MMP26: variants seen among roughly 807,000 people sequenced by gnomAD.
The protein encoded by MMP26 is matrix metallopeptidase 26, also known as matrix metalloproteinase-26.
MMP26 carries 33 observed loss-of-function variants against 31.0 expected under a neutral mutation model. The observed-to-expected ratio is 1.06, with a 90% CI of 0.81 to 1.42. The LOEUF is 1.42. MMP26 is among the 40% of genes most tolerant of loss of function. MMP26 has a pLI of 0.00. For missense variants in MMP26, 347 were observed against 316.1 expected (o/e 1.10, Z -0.74); for synonymous variants, 122 against 114.9 (o/e 1.06, Z -0.40).
chr11:4,821,862 G>A (rs1346397830), intron 2 of MMP26: 2 of 1,613,764 alleles, frequency 1.2e-6, no homozygotes, highest in African/African-American at 2.7e-5. Flanking sequence ...CCAAGATTGG[G>A]ATGAGCATGT....
intron 2 of MMP26, among the ~76,000 whole-genome samples, chr11:4,960,036 G>GC (rs550190124): frequency 1.6e-3 from 97 of 59,458 alleles, no homozygotes; most frequent in South Asian, 0.012. Context: ...TTTCAGCCCC[G>GC]CCCCCCCACC....
In MMP26 at chr11:4,781,557, A is replaced by C. The variant is rs866568880; in HGVS notation, c.-145+14216A>C. On this transcript the variant is annotated intron_variant, in intron 2 of 7. Transcript: ENST00000380390. ...CGACAGAGCGAGACTCCGTCTCAAAAAAAAAAAAAAAAAAAAAAAAAAAAA... is the reference window on the plus strand; with the variant it reads ...CGACAGAGCGAGACTCCGTCTCAAACAAAAAAAAAAAAAAAAAAAAAAAAA... 1.4e-3 allele frequency among the ~76,000 whole-genome samples: 78 copies of C among 54,348 alleles called. 10 individuals carry two copies. Among genetic ancestry groups the C allele is most frequent in the African/African-American group, 3.0e-3 (74 of 24,498 alleles). 35.7% of individuals were successfully genotyped at this position (54,348 alleles called of 152,430 possible). A position where few individuals can be genotyped will look rare whatever the true frequency, so the allele number is the denominator to read the frequency against.
chr11:4,761,407 C>G (rs1406122239), intron 1 of MMP26, among the ~76,000 whole-genome samples: 1 of 152,164 alleles, frequency 6.6e-6, no homozygotes, highest in Non-Finnish European at 1.5e-5. Context: ...ACCCATTTAT[C>G]TCTATGAGTG....
At chr11:4,823,163 T>C (rs4910687) in intron 2 of MMP26, among the ~76,000 whole-genome samples, 15,817 of 151,308 alleles carry the variant, frequency 0.1, 1,016 homozygotes, top group Middle Eastern at 0.17. Flanking sequence ...AACGTATAGA[T>C]ACTTTATAGC....
chr11:4,803,878 C>T (rs755387358), intron 2 of MMP26: 1 of 1,612,658 alleles, frequency 6.2e-7, no homozygotes, highest in Non-Finnish European at 8.5e-7. Context: ...GAAGGGCATC[C>T]TAGACACCAT....
intron 2 of MMP26, among the ~76,000 whole-genome samples, chr11:4,978,595 T>C (rs1018962613): frequency 6.6e-6 from 1 of 152,072 alleles, no homozygotes; most frequent in Non-Finnish European, 1.5e-5. Flanking sequence ...CACTGTTTTT[T>C]CCTTCATAAT....
chr11:4,824,810 T>C (rs1199290690), intron 2 of MMP26, among the ~76,000 whole-genome samples: 1 of 152,116 alleles, frequency 6.6e-6, no homozygotes, highest in Admixed American at 6.6e-5. Flanking sequence ...CTTGATATAA[T>C]ATTGCACCTC....
At chr11:4,908,288 C>T (rs1459845527) in intron 2 of MMP26, 1 of 1,613,854 alleles carries the variant, frequency 6.2e-7, no homozygotes, top group Non-Finnish European at 8.5e-7. Context: ...GGGGAAGTTG[C>T]TTAATGTATG....
At chr11:4,934,816 C>A (rs1430704640) in intron 2 of MMP26, among the ~76,000 whole-genome samples, 1 of 150,626 alleles carries the variant, frequency 6.6e-6, no homozygotes, top group African/African-American at 2.4e-5. Flanking sequence ...TTCCCAGCAC[C>A]ATTTATTAAA....
At chr11:4,706,264 A>G (rs1847775462) in intron 1 of MMP26, among the ~76,000 whole-genome samples, 1 of 152,044 alleles carries the variant, frequency 6.6e-6, no homozygotes, top group African/African-American at 2.4e-5. Context: ...TTTACAATAT[A>G]GCTATTCTAT....
intron 1 of MMP26, among the ~76,000 whole-genome samples, chr11:4,727,847 C>T (rs921080543): frequency 6.6e-6 from 1 of 152,076 alleles, no homozygotes; most frequent in African/African-American, 2.4e-5. Flanking sequence ...AAAATCTTCT[C>T]TCTTCAGAGT....
At chr11:4,824,440 T>G (rs891673991) in intron 2 of MMP26, among the ~76,000 whole-genome samples, 3 of 152,116 alleles carry the variant, frequency 2.0e-5, no homozygotes, top group Admixed American at 2.0e-4. Context: ...GGTCTCAGAA[T>G]TCCTTCATTC....
chr11:4,900,032 A>C (rs1029174371), intron 2 of MMP26, among the ~76,000 whole-genome samples: 1 of 152,150 alleles, frequency 6.6e-6, no homozygotes, highest in Admixed American at 6.5e-5. Context: ...TGTGTTGTAC[A>C]TGACGCATCT....
intron 2 of MMP26, among the ~76,000 whole-genome samples, chr11:4,867,973 C>G (rs1459599148): frequency 2.0e-5 from 3 of 152,088 alleles, no homozygotes; most frequent in Admixed American, 6.6e-5. Flanking sequence ...GTCACAATAG[C>G]AAAGACATGA....
chr11:4,909,403 T>A (rs1239041215), intron 2 of MMP26: 1 of 152,094 alleles, frequency 6.6e-6, no homozygotes, highest in East Asian at 1.9e-4. Context: ...TCAAAGGAAC[T>A]GGGGACTTGA....
intron 2 of MMP26, among the ~76,000 whole-genome samples, chr11:4,796,083 G>A (rs1413485223): frequency 6.6e-6 from 1 of 152,110 alleles, no homozygotes; most frequent in African/African-American, 2.4e-5. Context: ...TTAAAGCACA[G>A]GTGGGAGATG....
At chr11:4,866,203 A>G (rs1471171977) in intron 2 of MMP26, among the ~76,000 whole-genome samples, 6 of 152,198 alleles carry the variant, frequency 3.9e-5, no homozygotes, top group Non-Finnish European at 8.8e-5. Context: ...TACTTAGTGT[A>G]AGAATGTGAA....
At chr11:4,787,942 A>G (rs1047319706) in intron 2 of MMP26, among the ~76,000 whole-genome samples, 1 of 152,220 alleles carries the variant, frequency 6.6e-6, no homozygotes, top group African/African-American at 2.4e-5. Context: ...GAATTAAGAA[A>G]TTCAGGGACT....
intron 2 of MMP26, among the ~76,000 whole-genome samples, chr11:4,819,399 G>C (rs890258522): frequency 9.3e-5 from 14 of 151,216 alleles, no homozygotes; most frequent in Admixed American, 3.3e-4. Context: ...CCCGGGAGAG[G>C]GGGGAAAGAA....
Sources: allele counts gnomAD v4.1 joint callset (sites outside exome capture counted in the v4.1 genomes callset), GRCh38; gene constraint gnomAD v4.1.1; transcripts MANE v1.5; gene names NCBI Gene and HGNC (gene_info 2026-07-23, HGNC 2026-07-21).